The following LRP1B variants were observed in gnomAD, a reference collection of about 807,000 sequenced individuals.
LRP1B encodes the protein low-density lipoprotein receptor-related protein 1B.
In LRP1B, 217 loss-of-function variants were observed where a neutral mutation model predicts 556.6. The ratio of observed to expected loss-of-function variants is 0.39; its 90% CI spans 0.35 to 0.44. The LOEUF is 0.44. Among genes scored for constraint, LRP1B ranks in the 20% least tolerant of loss-of-function variants. The pLI is 1.00. For missense variants in LRP1B, 5,053 were observed against 5,620.8 expected (o/e 0.90, Z 3.23); for synonymous variants, 2,047 against 1,865.8 (o/e 1.10, Z -2.50).
chr2:141,009,515 C>T (rs1483002092), intron 14 of LRP1B, among the ~76,000 whole-genome samples: 4 of 151,474 alleles, frequency 2.6e-5, no homozygotes, highest in Admixed American at 6.6e-5. Context: ...TTTGTTTTGG[C>T]GGGGAGGTTT....
intron 3 of LRP1B, among the ~76,000 whole-genome samples, chr2:141,352,492 C>T (rs575424451): frequency 6.6e-6 from 1 of 151,854 alleles, no homozygotes; most frequent in Non-Finnish European, 1.5e-5. Flanking sequence ...TCTTATATAA[C>T]CATAGAGTAA....
At chr2:141,411,979 C>A (rs559670641) in intron 3 of LRP1B, among the ~76,000 whole-genome samples, 1 of 151,944 alleles carries the variant, frequency 6.6e-6, no homozygotes, top group East Asian at 1.9e-4. Context: ...TAAAATACTG[C>A]ACCTCATACT....
intron 2 of LRP1B, among the ~76,000 whole-genome samples, chr2:141,544,313 C>CTTCTTCTTCTTCTTCTTCTTCTTCTT (rs1574064063): frequency 1.1e-3 from 27 of 25,556 alleles, no homozygotes; most frequent in African/African-American, 3.9e-3. Flanking sequence ...TCTTCTTCTT[C>CTTCTTCTTCTTCTTCTTCTTCTTCTT]TTCTTCTTCT....
intron 1 of LRP1B, among the ~76,000 whole-genome samples, chr2:141,929,381 C>A (rs934180063): frequency 6.6e-6 from 1 of 151,984 alleles, no homozygotes; most frequent in Non-Finnish European, 1.5e-5. Context: ...CATATAGCTA[C>A]GAATCATCAA....
intron 2 of LRP1B, among the ~76,000 whole-genome samples, chr2:141,748,259 A>C (rs1274497397): frequency 6.6e-6 from 1 of 152,188 alleles, no homozygotes; most frequent in African/African-American, 2.4e-5. Context: ...TAAAAATAAC[A>C]TGTATTTTAT....
chr2:142,014,353 G>C (rs912425355), intron 1 of LRP1B, among the ~76,000 whole-genome samples: 1 of 152,120 alleles, frequency 6.6e-6, no homozygotes, highest in African/African-American at 2.4e-5. Flanking sequence ...CTTTAGTCTG[G>C]AATTCTAATT....
intron 2 of LRP1B, among the ~76,000 whole-genome samples, chr2:141,621,174 A>G (rs1310027496): frequency 6.6e-6 from 1 of 152,220 alleles, no homozygotes; most frequent in Non-Finnish European, 1.5e-5. Flanking sequence ...ATATATGCCT[A>G]TAATACTTTA....
intron 17 of LRP1B, among the ~76,000 whole-genome samples, chr2:140,985,927 T>A (rs1696908673): frequency 6.6e-6 from 1 of 152,004 alleles, no homozygotes; most frequent in Non-Finnish European, 1.5e-5. Flanking sequence ...TCCTACATAA[T>A]CTTTCTCAAT....
intron 41 of LRP1B, among the ~76,000 whole-genome samples, chr2:140,699,611 GAAT>G (rs1261337114): frequency 2.7e-5 from 3 of 109,280 alleles, no homozygotes; most frequent in East Asian, 5.4e-4. Flanking sequence ...GTTGTGTGAA[GAAT>G]AAGAAGATGG....
intron 66 of LRP1B, among the ~76,000 whole-genome samples, chr2:140,438,620 C>A (rs748381770): frequency 1.3e-5 from 2 of 152,042 alleles, no homozygotes; most frequent in African/African-American, 2.4e-5. Flanking sequence ...AGCCAGGTTG[C>A]GGAAAATACA....
chr2:140,645,664 C>CGAGTAGCTG (rs1684456532), intron 41 of LRP1B, among the ~76,000 whole-genome samples: 1 of 151,102 alleles, frequency 6.6e-6, no homozygotes, highest in Admixed American at 6.6e-5. Flanking sequence ...CTCAGCCTCC[C>CGAGTAGCTG]GAGTAGCTGG....
At chr2:141,982,806 T>C (rs1702078510) in intron 1 of LRP1B, among the ~76,000 whole-genome samples, 1 of 152,172 alleles carries the variant, frequency 6.6e-6, no homozygotes, top group South Asian at 2.1e-4. Context: ...GACTTCAAAA[T>C]GTGGCCTGAA....
chr2:141,767,505 G>T (rs1430263814), intron 2 of LRP1B, among the ~76,000 whole-genome samples: 1 of 152,074 alleles, frequency 6.6e-6, no homozygotes, highest in Non-Finnish European at 1.5e-5. Flanking sequence ...ACATTTGTCA[G>T]ATTTGATGAA....
intron 1 of LRP1B, among the ~76,000 whole-genome samples, chr2:142,124,588 CA>C (rs1288786736): frequency 2.0e-5 from 3 of 148,632 alleles, no homozygotes; most frequent in Admixed American, 2.0e-4. Context: ...AAAGTAAAGA[CA>C]AAAAGAAAAA....
intron 1 of LRP1B, among the ~76,000 whole-genome samples, chr2:142,030,067 A>G (rs16847954): frequency 0.39 from 59,430 of 150,456 alleles, 13,720 homozygotes; most frequent in Non-Finnish European, 0.51. Flanking sequence ...AGTTGCTTGT[A>G]TATTTGTGGT....
At chr2:140,647,032 T>C (rs1684509576) in intron 41 of LRP1B, among the ~76,000 whole-genome samples, 1 of 152,144 alleles carries the variant, frequency 6.6e-6, no homozygotes, top group South Asian at 2.1e-4. Flanking sequence ...AAATATAATC[T>C]GGGATTTTGA....
intron 41 of LRP1B, among the ~76,000 whole-genome samples, chr2:140,678,632 T>C (rs916620143): frequency 4.6e-5 from 7 of 152,208 alleles, no homozygotes; most frequent in African/African-American, 1.7e-4. Context: ...ATTGCATTAG[T>C]TTGTTAGGGC....
intron 43 of LRP1B, among the ~76,000 whole-genome samples, chr2:140,594,929 G>A (rs62171952): frequency 4.0e-5 from 6 of 150,934 alleles, no homozygotes; most frequent in Admixed American, 6.6e-5. Context: ...TTCAATCTTC[G>A]TAACTATACT....
chr2:141,044,492 A>C (rs1235039790), intron 11 of LRP1B, among the ~76,000 whole-genome samples: 1 of 149,774 alleles, frequency 6.7e-6, no homozygotes, highest in Non-Finnish European at 1.5e-5. Flanking sequence ...CAACCTACAA[A>C]ATGGGAGAAA....
Sources: allele counts gnomAD v4.1 joint callset (sites outside exome capture counted in the v4.1 genomes callset), GRCh38; gene constraint gnomAD v4.1.1; transcripts MANE v1.5; gene names NCBI Gene and HGNC (gene_info 2026-07-23, HGNC 2026-07-21).